Variants in FGF14 observed in about 807,000 individuals in gnomAD.
The protein encoded by FGF14 is fibroblast growth factor homologous factor 4.
A neutral mutation model predicts 25.5 loss-of-function variants in FGF14; 5 were observed. That is an observed-to-expected ratio of 0.20 (90% CI 0.10 to 0.41). The LOEUF (loss-of-function observed/expected upper bound fraction) is 0.41. Among genes scored for constraint, FGF14 ranks in the 10% least tolerant of loss-of-function variants. The pLI is 1.00. For missense variants in FGF14, 222 were observed against 320.1 expected, an observed-to-expected ratio of 0.69 and a Z score of 2.34; for synonymous variants, 138 against 118.3, an observed-to-expected ratio of 1.17 and a Z score of -1.08.
chr13:102,087,585 T>TC (rs1372541886), intron 1 of FGF14, among the ~76,000 whole-genome samples: 2 of 142,500 alleles, frequency 1.4e-5, no homozygotes, highest in Non-Finnish European at 3.1e-5. Flanking sequence ...CTTTTTTTTT[T>TC]TTTTTTTTTT....
intron 1 of FGF14, among the ~76,000 whole-genome samples, chr13:102,196,833 CT>C (rs2049377163): frequency 1.3e-5 from 2 of 152,316 alleles, no homozygotes; most frequent in South Asian, 4.1e-4. Flanking sequence ...CATCTACCCC[CT>C]TTCCATCCAT....
intron 3 of FGF14, among the ~76,000 whole-genome samples, chr13:101,789,928 CATT>C (rs2040136176): frequency 6.6e-6 from 1 of 151,448 alleles, no homozygotes. Flanking sequence ...AATGCCCTTA[CATT>C]ATTCTTATTT....
Position 101,821,514 on chromosome 13 carries a change from T to C in FGF14, c.408+47211A>G, listed in dbSNP as rs143565387. Among the ~76,000 whole-genome samples, 182 of 152,356 alleles carry C rather than the reference T, an allele frequency of 1.2e-3. 1 individual carries two copies. Among genetic ancestry groups the C allele is most frequent in the Middle Eastern group, 6.8e-3 (2 of 294 alleles). ...TGCTGTTATTAAGATTATTTGTACA[T>C]GAACTTTTAGTAGAAACATTTGTCT... On this transcript the variant is annotated intron_variant, in intron 3 of 4. Coordinates refer to ENST00000376143, the MANE Select transcript of FGF14 (RefSeq NM_004115.4).
intron 1 of FGF14, among the ~76,000 whole-genome samples, chr13:102,119,165 C>A (rs1429474996): frequency 6.6e-6 from 1 of 152,132 alleles, no homozygotes; most frequent in Non-Finnish European, 1.5e-5. Context: ...GGTATCCTTG[C>A]CAAAATGAGT....
intron 1 of FGF14, among the ~76,000 whole-genome samples, chr13:102,303,270 C>T (rs557414979): frequency 9.9e-5 from 15 of 152,168 alleles, no homozygotes; most frequent in Admixed American, 5.9e-4. Flanking sequence ...CTACACAAAA[C>T]AGCATCTGCT....
intron 1 of FGF14, among the ~76,000 whole-genome samples, chr13:102,346,701 C>G (rs2057116964): frequency 6.6e-6 from 1 of 151,804 alleles, no homozygotes; most frequent in Non-Finnish European, 1.5e-5. Context: ...TATAAAATTT[C>G]AACACTGGAT....
intron 1 of FGF14, among the ~76,000 whole-genome samples, chr13:101,928,974 A>C: frequency 6.6e-6 from 1 of 152,216 alleles, no homozygotes; most frequent in East Asian, 1.9e-4. Flanking sequence ...CGCTTGGACA[A>C]TATATTCATA....
chr13:102,152,303 A>G (rs1193559035), intron 1 of FGF14, among the ~76,000 whole-genome samples: 1 of 152,250 alleles, frequency 6.6e-6, no homozygotes, highest in Non-Finnish European at 1.5e-5. Flanking sequence ...ATAACAAAGT[A>G]CCACAGATTG....
intron 1 of FGF14, chr13:102,394,475 C>A (rs1180665766): frequency 2.0e-5 from 3 of 152,556 alleles, no homozygotes; most frequent in Non-Finnish European, 2.9e-5. Context: ...CGCCCCAAGT[C>A]TCTCCCGCGC....
intron 1 of FGF14, among the ~76,000 whole-genome samples, chr13:101,939,021 T>G (rs2139300493): frequency 6.6e-6 from 1 of 152,236 alleles, no homozygotes; most frequent in East Asian, 1.9e-4. Context: ...ATGCAGCACA[T>G]CCCTTCCCAA....
At chr13:101,771,906 C>T (rs1050534338) in intron 3 of FGF14, among the ~76,000 whole-genome samples, 4 of 152,028 alleles carry the variant, frequency 2.6e-5, no homozygotes, top group African/African-American at 9.6e-5. Context: ...CTTGTACCAC[C>T]TTTCCAGCCC....
At chr13:101,907,622 A>G (rs1458176273) in intron 1 of FGF14, among the ~76,000 whole-genome samples, 1 of 152,190 alleles carries the variant, frequency 6.6e-6, no homozygotes, top group East Asian at 1.9e-4. Context: ...GGAGAAGGAT[A>G]GTTGCAATTT....
intron 3 of FGF14, among the ~76,000 whole-genome samples, chr13:101,828,505 T>G (rs2042514842): frequency 6.7e-6 from 1 of 150,310 alleles, no homozygotes; most frequent in Non-Finnish European, 1.5e-5. Context: ...AGAGAAAGCA[T>G]GTCTTGTACT....
intron 1 of FGF14, among the ~76,000 whole-genome samples, chr13:101,942,504 A>C (rs1172902645): frequency 6.6e-6 from 1 of 152,230 alleles, no homozygotes; most frequent in Non-Finnish European, 1.5e-5. Context: ...TATTAGCTGC[A>C]GAATGTCCAA....
chr13:102,072,634 TAA>T (rs1482672949), intron 1 of FGF14, among the ~76,000 whole-genome samples: 7 of 152,040 alleles, frequency 4.6e-5, no homozygotes, highest in Admixed American at 6.5e-5. Context: ...TACAACTCAT[TAA>T]TCTTCCCACA....
At chr13:102,151,659 C>T (rs1469638918) in intron 1 of FGF14, among the ~76,000 whole-genome samples, 4 of 151,922 alleles carry the variant, frequency 2.6e-5, no homozygotes, top group South Asian at 2.1e-4. Flanking sequence ...CCACCATGCC[C>T]GGCTAATTTT....
At chr13:101,912,583 T>TC (rs1326046056) in intron 1 of FGF14, among the ~76,000 whole-genome samples, 2 of 152,186 alleles carry the variant, frequency 1.3e-5, no homozygotes, top group Non-Finnish European at 2.9e-5. Flanking sequence ...CCTTGTAAAT[T>TC]CCCCTTTCTT....
chr13:102,204,757 C>T (rs762721526), intron 1 of FGF14, among the ~76,000 whole-genome samples: 7 of 151,952 alleles, frequency 4.6e-5, no homozygotes, highest in Non-Finnish European at 1.0e-4. Context: ...ATGTTGGCCA[C>T]GCTAGTCTCG....
intron 1 of FGF14, among the ~76,000 whole-genome samples, chr13:101,949,977 G>A (rs917662084): frequency 6.6e-6 from 1 of 151,920 alleles, no homozygotes; most frequent in Non-Finnish European, 1.5e-5. Context: ...TGGTAGGAGA[G>A]GTGATGAGGC....
Sources: allele counts gnomAD v4.1 joint callset (sites outside exome capture counted in the v4.1 genomes callset), GRCh38; gene constraint gnomAD v4.1.1; transcripts MANE v1.5; gene names NCBI Gene and HGNC (gene_info 2026-07-23, HGNC 2026-07-21).